EDAR: variants seen among roughly 807,000 people sequenced by gnomAD.
The protein encoded by EDAR is tumor necrosis factor receptor superfamily member EDAR.
Under a neutral mutation model 51.3 loss-of-function variants are expected in EDAR, and 38 were observed. The ratio of observed to expected loss-of-function variants is 0.74; its 90% CI spans 0.57 to 0.97. EDAR has a LOEUF of 0.97. Among genes scored for constraint, EDAR ranks in the 50% least tolerant of loss-of-function variants. The pLI is 0.00. For synonymous variants in EDAR, 227 were observed against 242.1 expected, an observed-to-expected ratio of 0.94 and a Z score of 0.58; for missense variants, 528 against 595.0, an observed-to-expected ratio of 0.89 and a Z score of 1.17.
At chr2:108,908,144 G>T in intron 9 of EDAR, 125 bp from the exon 10 acceptor site, 1 of 1,087,814 alleles carries the variant, frequency 9.2e-7, no homozygotes, top group Non-Finnish European at 1.3e-6. Context: ...TTGTTTTTCA[G>T]GTGTTTACTG....
chr2:108,988,709 ATT>A (rs1366867257), intron 1 of EDAR, among the ~76,000 whole-genome samples: 2 of 152,174 alleles, frequency 1.3e-5, no homozygotes, highest in African/African-American at 4.8e-5. Flanking sequence ...CACACACAGA[ATT>A]TGTCTCCCTA....
chr2:108,929,050 C>T, intron 4 of EDAR, 148 bp downstream of exon 4: 2 of 923,156 alleles, frequency 2.2e-6, no homozygotes, highest in Admixed American at 2.0e-5. Context: ...CTGGATGCTG[C>T]TCCTTGTGGG....
chr2:108,906,083 G>A (rs1696797958), intron 11 of EDAR, among the ~76,000 whole-genome samples: 1 of 149,686 alleles, frequency 6.7e-6, no homozygotes. Flanking sequence ...CCCGCCCCAT[G>A]AGGGGAAGGC....
intron 10 of EDAR, 23 bp downstream of exon 10, chr2:108,907,837 C>G: frequency 3.1e-6 from 5 of 1,613,188 alleles, no homozygotes; most frequent in Non-Finnish European, 4.2e-6. Flanking sequence ...CACAGCTCAT[C>G]ATGGCACCTG....
At chr2:108,924,662 A>C (rs1697218994) in intron 4 of EDAR, among the ~76,000 whole-genome samples, 1 of 152,158 alleles carries the variant, frequency 6.6e-6, no homozygotes, top group Non-Finnish European at 1.5e-5. Flanking sequence ...GTTACCAGTA[A>C]TGTTAGGACC....
chr2:108,986,251 A>G (rs1398010212), intron 1 of EDAR, among the ~76,000 whole-genome samples: 2 of 152,128 alleles, frequency 1.3e-5, no homozygotes, highest in African/African-American at 4.8e-5. Context: ...AAAACTACAA[A>G]CACTCTAACT....
At chr2:108,904,451 G>A (rs1188843620) in intron 11 of EDAR, among the ~76,000 whole-genome samples, 4 of 152,160 alleles carry the variant, frequency 2.6e-5, no homozygotes, top group African/African-American at 9.7e-5. Context: ...CCCAACAAAT[G>A]TACTCCTGGG....
At position 108,910,766 on chromosome 2, in the gene EDAR, G is replaced by A. The variant is rs1246336311; in HGVS notation, c.730+10C>T. 2 of 1,612,614 alleles carry A rather than the reference G, an allele frequency of 1.2e-6. No homozygotes were observed. The highest frequency in any genetic ancestry group is 8.5e-7 in the Non-Finnish European group (1 of 1,179,912). On this transcript the variant is annotated intron_variant, in intron 8 of 11. Coordinates refer to ENST00000258443, the MANE Select transcript of EDAR (RefSeq NM_022336.4). ...GTGCACATGGTGTGTGGAAGCCCTG[G>A]TTCACAGACCTGGGGCCTCTTTCTT...
intron 1 of EDAR, among the ~76,000 whole-genome samples, chr2:108,959,280 C>T (rs365060): frequency 2.0e-5 from 3 of 152,016 alleles, no homozygotes; most frequent in Admixed American, 6.5e-5. Flanking sequence ...CTGTGGTCTG[C>T]GATCTGGGAA....
chr2:108,965,675 G>C (rs1404160846), intron 1 of EDAR, among the ~76,000 whole-genome samples: 1 of 151,956 alleles, frequency 6.6e-6, no homozygotes, highest in African/African-American at 2.4e-5. Flanking sequence ...TGCTGCAGTG[G>C]GAGAGCTGGG....
intron 1 of EDAR, among the ~76,000 whole-genome samples, chr2:108,959,404 G>A (rs185020781): frequency 1.1e-4 from 16 of 152,372 alleles, no homozygotes; most frequent in Non-Finnish European, 1.5e-4. Flanking sequence ...TGCAGGGGAC[G>A]CTGGGCTGTG....
chr2:108,950,448 T>C (rs1165610139), intron 1 of EDAR, among the ~76,000 whole-genome samples: 1 of 152,072 alleles, frequency 6.6e-6, no homozygotes, highest in African/African-American at 2.4e-5. Context: ...GTAGAGCATG[T>C]TGTATTTCTG....
At chr2:108,977,109 A>T (rs912292880) in intron 1 of EDAR, among the ~76,000 whole-genome samples, 1 of 151,950 alleles carries the variant, frequency 6.6e-6, no homozygotes, top group Non-Finnish European at 1.5e-5. Flanking sequence ...GGAGGCACTG[A>T]TGATTCCAGT....
At chr2:108,902,403 A>G (rs1440906953) in intron 11 of EDAR, among the ~76,000 whole-genome samples, 1 of 151,900 alleles carries the variant, frequency 6.6e-6, no homozygotes, top group East Asian at 1.9e-4. Context: ...AAACAAAAAA[A>G]CCTCCCCAAA....
At chr2:108,945,682 T>G (rs1697701982) in intron 1 of EDAR, among the ~76,000 whole-genome samples, 1 of 152,202 alleles carries the variant, frequency 6.6e-6, no homozygotes, top group Non-Finnish European at 1.5e-5. Context: ...CCCAAATGGA[T>G]AAACAAAGTA....
At chr2:108,908,497 C>T (rs1206805964) in intron 9 of EDAR, among the ~76,000 whole-genome samples, 3 of 152,138 alleles carry the variant, frequency 2.0e-5, no homozygotes, top group African/African-American at 7.2e-5. Context: ...CTGAATGGAG[C>T]CTTGTGCCTG....
At position 108,929,356 on chromosome 2, in the gene EDAR, G is replaced by A. The variant is rs752797854; in HGVS notation, c.198C>T (p.Asp66=). The change falls in exon 4 of 12, where the codon GAC becomes GAT. Residue 66 remains aspartate, a synonymous_variant. Transcript: ENST00000258443. ...PYLSCGYGTK[D]EDYGCVPCPA... Reference sequence around the variant, plus strand: ...GGCAGGGGACGCAGCCGTAGTCCTCGTCTTTGGTGCCGTAGCCACAGGACT... The same window carrying A: ...GGCAGGGGACGCAGCCGTAGTCCTCATCTTTGGTGCCGTAGCCACAGGACT... 1.1e-5 allele frequency: 17 copies of A among 1,613,994 alleles called. No homozygotes were observed. Among genetic ancestry groups the A allele is most frequent in the South Asian group, 3.3e-5 (3 of 91,092 alleles).
At chr2:108,968,880 G>A (rs902603110) in intron 1 of EDAR, among the ~76,000 whole-genome samples, 5 of 152,178 alleles carry the variant, frequency 3.3e-5, no homozygotes, top group Admixed American at 1.3e-4. Context: ...GCCCAGTCAC[G>A]GTAGGGTTAC....
At chr2:108,916,406 T>A (rs1697028833) in intron 5 of EDAR, among the ~76,000 whole-genome samples, 1 of 152,104 alleles carries the variant, frequency 6.6e-6, no homozygotes, top group Non-Finnish European at 1.5e-5. Context: ...AAACGCAGCC[T>A]AGAGAGCACA....
Sources: allele counts gnomAD v4.1 joint callset (sites outside exome capture counted in the v4.1 genomes callset), GRCh38; gene constraint gnomAD v4.1.1; transcripts MANE v1.5; gene names NCBI Gene and HGNC (gene_info 2026-07-23, HGNC 2026-07-21).